The following CDC73 variants were observed in gnomAD, a reference collection of about 807,000 sequenced individuals.
CDC73 encodes the protein cell division cycle 73.
In CDC73, 21 loss-of-function variants were observed where a neutral mutation model predicts 83.7. The ratio of observed to expected loss-of-function variants is 0.25; its 90% CI spans 0.18 to 0.36. CDC73 has a LOEUF of 0.36. Ranked by LOEUF, CDC73 falls within the 10% of genes least tolerant of loss-of-function variation. CDC73 has a pLI of 1.00. For missense variants in CDC73, 342 were observed against 653.3 expected (o/e 0.52, Z 5.19); for synonymous variants, 224 against 212.9 (o/e 1.05, Z -0.45).
At chr1:193,203,975 T>A in intron 11 of CDC73, 123 bp downstream of exon 11, 1 of 797,766 alleles carries the variant, frequency 1.3e-6, no homozygotes, top group Non-Finnish European at 2.2e-6. Context: ...CAAAGTCATG[T>A]TTCTTTGAAG....
intron 11 of CDC73, among the ~76,000 whole-genome samples, chr1:193,206,206 G>A (rs1285604079): frequency 6.6e-6 from 1 of 152,138 alleles, no homozygotes; most frequent in Admixed American, 6.6e-5. Context: ...AAAGTAAGGG[G>A]TTCTAAGTCT....
chr1:193,180,179 ATTTC>A, intron 10 of CDC73: 2 of 878,230 alleles, frequency 2.3e-6, no homozygotes, highest in Non-Finnish European at 3.2e-6. Context: ...TACTTCTTGA[ATTTC>A]TTTATGTGAT....
chr1:193,193,010 C>A (rs1044565699), intron 10 of CDC73, among the ~76,000 whole-genome samples: 24 of 152,294 alleles, frequency 1.6e-4, no homozygotes, highest in African/African-American at 5.3e-4. Context: ...TTTGCAAAAC[C>A]TTCCGGCCTT....
chr1:193,184,813 A>G (rs1460036456), intron 10 of CDC73, among the ~76,000 whole-genome samples: 1 of 151,922 alleles, frequency 6.6e-6, no homozygotes, highest in African/African-American at 2.4e-5. Flanking sequence ...TTGAGGTGTA[A>G]TAGAGTCTGG....
At chr1:193,244,635 T>C (rs1466254762) in intron 15 of CDC73, among the ~76,000 whole-genome samples, 2 of 152,200 alleles carry the variant, frequency 1.3e-5, no homozygotes, top group African/African-American at 4.8e-5. Context: ...CATAGGACAT[T>C]CCATGCTTGC....
At chr1:193,250,046 G>A (rs1678021545) in intron 16 of CDC73, among the ~76,000 whole-genome samples, 175 bp downstream of exon 16, 3 of 151,736 alleles carry the variant, frequency 2.0e-5, no homozygotes, top group Admixed American at 2.0e-4. Flanking sequence ...AATTACTTTA[G>A]TTGGAGAATT....
intron 11 of CDC73, among the ~76,000 whole-genome samples, chr1:193,209,712 G>T (rs948235338): frequency 1.3e-5 from 2 of 152,022 alleles, no homozygotes; most frequent in African/African-American, 2.4e-5. Flanking sequence ...ACATTTGTGA[G>T]TTTTTTTATT....
intron 5 of CDC73, 54 bp from the exon 6 acceptor site, chr1:193,138,031 C>A (rs1675830894): frequency 7.5e-7 from 1 of 1,331,704 alleles, no homozygotes; most frequent in Non-Finnish European, 1.1e-6. Context: ...AGCGTTTTTT[C>A]TTCCTAAAAG....
At chr1:193,232,571 AAAAC>A (rs1485059937) in intron 13 of CDC73, among the ~76,000 whole-genome samples, 2 of 152,194 alleles carry the variant, frequency 1.3e-5, no homozygotes, top group Admixed American at 1.3e-4. Flanking sequence ...GGTTTATTTA[AAAAC>A]AAACATCTTT....
chr1:193,161,240 A>T (rs1390170601), intron 10 of CDC73: 1 of 176,446 alleles, frequency 5.7e-6, no homozygotes, highest in East Asian at 9.6e-5. Context: ...TTAAACTCTT[A>T]CTTGCTTCTG....
chr1:193,237,984 G>A (rs1172597928), intron 15 of CDC73, among the ~76,000 whole-genome samples: 2 of 152,102 alleles, frequency 1.3e-5, no homozygotes, highest in Non-Finnish European at 2.9e-5. Flanking sequence ...AAATGTCAAC[G>A]AGAATTCTTT....
intron 10 of CDC73, chr1:193,161,135 A>G (rs959406707): frequency 2.8e-5 from 5 of 175,508 alleles, no homozygotes; most frequent in Non-Finnish European, 4.9e-5. Context: ...CTTTTTCTTG[A>G]TGGATGTTTC....
At chr1:193,173,280 A>T (rs1676549779) in intron 10 of CDC73, among the ~76,000 whole-genome samples, 1 of 152,216 alleles carries the variant, frequency 6.6e-6, no homozygotes, top group Non-Finnish European at 1.5e-5. Flanking sequence ...CGTAAATATA[A>T]TGAGAGAAAA....
intron 9 of CDC73, among the ~76,000 whole-genome samples, chr1:193,151,489 T>G (rs1676110222): frequency 6.6e-6 from 1 of 152,254 alleles, no homozygotes; most frequent in Non-Finnish European, 1.5e-5. Context: ...TTTATTCTGC[T>G]TTTGCACTAA....
chr1:193,235,495 T>TACTTATAA (rs1677741366), intron 14 of CDC73, among the ~76,000 whole-genome samples: 2 of 152,220 alleles, frequency 1.3e-5, no homozygotes, highest in Non-Finnish European at 2.9e-5. Context: ...GTTGTTGTTT[T>TACTTATAA]GTTCCCACCG....
At chr1:193,224,422 A>G (rs1171467981) in intron 13 of CDC73, among the ~76,000 whole-genome samples, 4 of 152,130 alleles carry the variant, frequency 2.6e-5, no homozygotes, top group Non-Finnish European at 4.4e-5. Flanking sequence ...TGAAATATGC[A>G]TTCACATATA....
chr1:193,235,001 T>C (rs1232633181), intron 14 of CDC73, among the ~76,000 whole-genome samples: 3 of 152,114 alleles, frequency 2.0e-5, no homozygotes, highest in African/African-American at 7.2e-5. Flanking sequence ...TTGTAGGTCT[T>C]TGCTTGAATA....
At chr1:193,204,646 T>C (rs1476835505) in intron 11 of CDC73, among the ~76,000 whole-genome samples, 1 of 152,120 alleles carries the variant, frequency 6.6e-6, no homozygotes, top group Non-Finnish European at 1.5e-5. Flanking sequence ...ATTGATAAAA[T>C]AGGTTATAAA....
chr1:193,222,925 T>C (rs544994903), intron 13 of CDC73, among the ~76,000 whole-genome samples: 36 of 152,126 alleles, frequency 2.4e-4, no homozygotes, highest in Non-Finnish European at 1.8e-4. Flanking sequence ...TTTCATTATT[T>C]CGTTACTTTT....
Sources: gnomAD v4.1 joint callset for allele counts (sites outside exome capture counted in the v4.1 genomes callset) on GRCh38, gnomAD v4.1.1 for gene constraint, MANE v1.5 for transcripts, NCBI Gene and HGNC (gene_info 2026-07-23, HGNC 2026-07-21) for gene names.